DNAJC10: variants seen among roughly 807,000 people sequenced by gnomAD.
DNAJC10 encodes the protein DnaJ heat shock protein family (Hsp40) member C10.
Under a neutral mutation model 115.0 loss-of-function variants are expected in DNAJC10, and 101 were observed. The observed-to-expected ratio is 0.88, with a 90% CI of 0.75 to 1.04. The LOEUF (loss-of-function observed/expected upper bound fraction) is 1.04. DNAJC10 is among the 50% of genes least tolerant of loss of function. The pLI, the probability that DNAJC10 is intolerant of heterozygous loss-of-function variation, is 0.00. For missense variants in DNAJC10, 981 were observed against 928.8 expected (o/e 1.06, Z -0.73); for synonymous variants, 307 against 301.5 (o/e 1.02, Z -0.19).
At position 182,780,994 on chromosome 2, in the gene DNAJC10, T is replaced by C. The variant is rs1694832225; in HGVS notation, c.*3862T>C. ...TGTTTTTTTTTTTTAATACTTCAAG[T>C]TCTGCAATACATGTGCAGAACATGC... On this transcript the variant is annotated 3_prime_UTR_variant, in exon 24 of 24. Transcript: ENST00000264065. The C allele has an allele frequency of 6.6e-6, 1 of 152,038 alleles. No individual in the cohort carries two copies. Among genetic ancestry groups the C allele is most frequent in the Non-Finnish European group, 1.5e-5 (1 of 68,012 alleles). 9.4% of individuals were successfully genotyped at this position (152,038 alleles called of 1,614,324 possible).
chr2:182,752,678 G>T, intron 16 of DNAJC10: 3 of 433,824 alleles, frequency 6.9e-6, no homozygotes, highest in Non-Finnish European at 9.0e-6. Flanking sequence ...ACCGTAGAAT[G>T]AAAGTACGTA....
chr2:182,752,128 T>C lies in DNAJC10; in HGVS notation c.1491T>C (p.Leu497=). The change falls in exon 16 of 24, where the codon CTT becomes CTC. Residue 497 remains leucine, a synonymous_variant. Coordinates refer to ENST00000264065, the MANE Select transcript of DNAJC10 (RefSeq NM_018981.4). ...AGTTACGAAGAGCATCAAATCTTCT[T>C]TATGGTCAGCTTAAGTTTGGTACAC... The part of the protein sequence containing the change: ...LPELRRASNL[L]YGQLKFGTLD... The C allele has an allele frequency of 1.2e-6, 2 of 1,613,892 alleles. No homozygotes were observed. Among genetic ancestry groups the C allele is most frequent in the Non-Finnish European group, 1.7e-6 (2 of 1,179,886 alleles).
At chr2:182,732,805 CAT>C in intron 10 of DNAJC10, 1 of 469,454 alleles carries the variant, frequency 2.1e-6, no homozygotes, top group Admixed American at 4.1e-5. Flanking sequence ...ACTGAAGTTA[CAT>C]GTTAGTGTTT....
intron 20 of DNAJC10, 45 bp downstream of exon 20, chr2:182,758,935 C>T (rs1364379283): frequency 1.5e-6 from 2 of 1,366,724 alleles, no homozygotes; most frequent in African/African-American, 2.9e-5. Flanking sequence ...AGATTCAAAG[C>T]CATTTACCCC....
chr2:182,794,410 GCTATGTTTTT>G lies in DNAJC10; in HGVS notation c.*17279_*17288del, dbSNP rs1695107627. On this transcript the variant is annotated 3_prime_UTR_variant, in exon 24 of 24. Transcript: ENST00000264065. ...ATTCTACTGTTTGTCTTTGCAGTGA[GCTATGTTTTT>G]TTATAACATGTAGAAGTGAAATAAA... 6.6e-6 allele frequency: 1 copy of G among 152,164 alleles called. No homozygotes were observed. Among genetic ancestry groups the G allele is most frequent in the Admixed American group, 6.5e-5 (1 of 15,272 alleles). The allele number at this position is 152,164 out of a possible 1,614,324, so 9.4% of individuals were successfully genotyped here.
intron 11 of DNAJC10, among the ~76,000 whole-genome samples, chr2:182,738,708 T>G (rs189606390): frequency 8.6e-4 from 131 of 152,176 alleles, no homozygotes; most frequent in African/African-American, 2.6e-3. Context: ...ACCCAGCTAA[T>G]TTTTTGTATT....
chr2:182,745,117 C>T (rs535464576), intron 14 of DNAJC10, among the ~76,000 whole-genome samples: 3 of 152,288 alleles, frequency 2.0e-5, no homozygotes, highest in South Asian at 4.1e-4. Context: ...ATAGCATAAG[C>T]GTCAGATTCC....
At chr2:182,760,023 C>G (rs916250999) in intron 21 of DNAJC10, among the ~76,000 whole-genome samples, 1 of 152,174 alleles carries the variant, frequency 6.6e-6, no homozygotes, top group South Asian at 2.1e-4. Flanking sequence ...ATATTTCCCT[C>G]TCTGACTTAC....
At chr2:182,757,654 T>C in intron 18 of DNAJC10, 38 bp from the exon 19 acceptor site, 1 of 1,430,872 alleles carries the variant, frequency 7.0e-7, no homozygotes, top group Non-Finnish European at 9.3e-7. Context: ...CAAACATATG[T>C]AAAAAGTTAT....
chr2:182,739,467 C>A, intron 11 of DNAJC10: 1 of 1,014,830 alleles, frequency 9.9e-7, no homozygotes, highest in Non-Finnish European at 1.3e-6. Context: ...TAATTAAAGA[C>A]ATATATTAAA....
At chr2:182,726,434 AAT>A (rs1693285016) in intron 5 of DNAJC10, among the ~76,000 whole-genome samples, 1 of 152,194 alleles carries the variant, frequency 6.6e-6, no homozygotes, top group South Asian at 2.1e-4. Context: ...AAGGATTTAG[AAT>A]ATTACATAAA....
In DNAJC10 at chr2:182,779,095, A is replaced by ATATT. The variant is rs1694781067; in HGVS notation, c.*1964_*1967dup. The ATATT allele has an allele frequency of 6.6e-6, 1 of 152,176 alleles. No homozygotes were observed. The highest frequency in any genetic ancestry group is 1.5e-5 in the Non-Finnish European group (1 of 68,034). The allele number at this position is 152,176 out of a possible 1,614,324, so 9.4% of individuals were successfully genotyped here. A position where few individuals can be genotyped will look rare whatever the true frequency, so the allele number is the denominator to read the frequency against. On this transcript the variant is annotated 3_prime_UTR_variant, in exon 24 of 24. Transcript: ENST00000264065. Reference sequence around the variant, plus strand: ...TTTTAGGCAGTAAATAAAATAGTAAATATTATGTGTCCTATAATTTGACCT... The same window carrying ATATT: ...TTTTAGGCAGTAAATAAAATAGTAAATATTTATTATGTGTCCTATAATTTGACCT...
chr2:182,768,867 G>A (rs370644057), intron 22 of DNAJC10, among the ~76,000 whole-genome samples: 15 of 152,214 alleles, frequency 9.9e-5, no homozygotes, highest in African/African-American at 2.2e-4. Flanking sequence ...GTGTACATGC[G>A]CACAATGTGC....
intron 5 of DNAJC10, 138 bp downstream of exon 5, chr2:182,722,213 T>C: frequency 1.7e-6 from 1 of 575,882 alleles, no homozygotes; most frequent in Non-Finnish European, 3.1e-6. Flanking sequence ...GTATCTTAAA[T>C]ATTTCTAGCA....
At chr2:182,751,952 C>A in intron 15 of DNAJC10, 120 bp from the exon 16 acceptor site, 2 of 1,191,784 alleles carry the variant, frequency 1.7e-6, no homozygotes, top group Non-Finnish European at 1.2e-6. Flanking sequence ...ATTACTCCTC[C>A]AGGGAAGGTT....
rs1355511552 is a variant in DNAJC10, at chr2:182,786,716, G to C, written c.*9584G>C. 1 of 152,136 alleles carries C rather than the reference G, an allele frequency of 6.6e-6. No individual in the cohort carries two copies. Among genetic ancestry groups the C allele is most frequent in the Non-Finnish European group, 1.5e-5 (1 of 68,076 alleles). 9.4% of individuals were successfully genotyped at this position (152,136 alleles called of 1,614,324 possible). On this transcript the variant is annotated 3_prime_UTR_variant, in exon 24 of 24. Transcript: ENST00000264065. ...CAAGTTCTCTCCCTCCCTCTCAACA[G>C]ATTTCTCAGCACACATCAGATTTCA...
chr2:182,738,774 T>G (rs1338232699), intron 11 of DNAJC10, among the ~76,000 whole-genome samples: 1 of 152,146 alleles, frequency 6.6e-6, no homozygotes, highest in Non-Finnish European at 1.5e-5. Context: ...TCTCCTGACC[T>G]TGTGATCTGC....
intron 9 of DNAJC10, 88 bp from the exon 10 acceptor site, chr2:182,732,411 C>T: frequency 8.0e-7 from 1 of 1,251,958 alleles, no homozygotes; most frequent in Non-Finnish European, 1.2e-6. Context: ...TTCGAATGAA[C>T]ATGGTAATTT....
intron 12 of DNAJC10, among the ~76,000 whole-genome samples, chr2:182,740,727 A>T (rs1447204242): frequency 1.3e-5 from 2 of 152,140 alleles, no homozygotes; most frequent in African/African-American, 4.8e-5. Context: ...TACTAAGAAG[A>T]AGTATTCAGT....
Sources: gnomAD v4.1 joint callset for allele counts (sites outside exome capture counted in the v4.1 genomes callset) on GRCh38, gnomAD v4.1.1 for gene constraint, MANE v1.5 for transcripts, NCBI Gene and HGNC (gene_info 2026-07-23, HGNC 2026-07-21) for gene names.